AGBL4: variants seen among roughly 807,000 people sequenced by gnomAD.
AGBL4 encodes AGBL carboxypeptidase 4, also known as cytosolic carboxypeptidase 6.
Under a neutral mutation model 66.4 loss-of-function variants are expected in AGBL4, and 58 were observed. The ratio of observed to expected loss-of-function variants is 0.87; its 90% CI spans 0.71 to 1.09. The LOEUF (loss-of-function observed/expected upper bound fraction) is 1.09, where lower values mean the gene tolerates loss of function less well. AGBL4 is among the 50% of genes least tolerant of loss of function. AGBL4 has a pLI of 0.00. For synonymous variants in AGBL4, 234 were observed against 222.9 expected, an observed-to-expected ratio of 1.05 and a Z score of -0.44; for missense variants, 579 against 631.0, an observed-to-expected ratio of 0.92 and a Z score of 0.88.
At chr1:49,083,071 G>C (rs1644836228) in intron 4 of AGBL4, among the ~76,000 whole-genome samples, 1 of 152,196 alleles carries the variant, frequency 6.6e-6, no homozygotes, top group Non-Finnish European at 1.5e-5. Context: ...ATGGTCTTGG[G>C]CAGCTCTGCC....
chr1:49,568,054 C>T (rs1644248566), intron 3 of AGBL4, among the ~76,000 whole-genome samples: 1 of 152,094 alleles, frequency 6.6e-6, no homozygotes, highest in African/African-American at 2.4e-5. Context: ...AAAACCAGCA[C>T]AAAACAAAGA....
At chr1:48,985,103 A>C (rs558102577) in intron 5 of AGBL4, among the ~76,000 whole-genome samples, 73 of 152,246 alleles carry the variant, frequency 4.8e-4, no homozygotes, top group African/African-American at 1.4e-3. Context: ...ATACATGGAA[A>C]AATGGTTTAC....
intron 3 of AGBL4, among the ~76,000 whole-genome samples, chr1:49,519,314 T>C (rs1035093386): frequency 6.6e-6 from 1 of 152,002 alleles, no homozygotes; most frequent in Non-Finnish European, 1.5e-5. Context: ...GAGAAATAAG[T>C]GAGATAGAAC....
chr1:49,966,932 C>T (rs1657612884), intron 1 of AGBL4, among the ~76,000 whole-genome samples: 3 of 152,086 alleles, frequency 2.0e-5, no homozygotes, highest in Non-Finnish European at 2.9e-5. Flanking sequence ...GGTTCCAAGT[C>T]TTTGCTATTG....
chr1:49,634,459 A>G (rs2124374184), intron 3 of AGBL4, among the ~76,000 whole-genome samples: 1 of 152,260 alleles, frequency 6.6e-6, no homozygotes, highest in East Asian at 1.9e-4. Context: ...TATCCAGTCT[A>G]TCATGGATGG....
At chr1:49,359,166 T>C (rs888710350) in intron 3 of AGBL4, among the ~76,000 whole-genome samples, 2 of 152,198 alleles carry the variant, frequency 1.3e-5, no homozygotes, top group African/African-American at 4.8e-5. Context: ...TTAAATTATA[T>C]TGAATTACAC....
intron 3 of AGBL4, among the ~76,000 whole-genome samples, chr1:49,516,296 G>A (rs1177404945): frequency 1.3e-5 from 2 of 151,998 alleles, no homozygotes; most frequent in African/African-American, 4.8e-5. Flanking sequence ...AAGGTGCCAT[G>A]AGATCACATA....
chr1:48,968,404 T>G (rs1198107789), intron 5 of AGBL4, among the ~76,000 whole-genome samples: 1 of 152,120 alleles, frequency 6.6e-6, no homozygotes, highest in African/African-American at 2.4e-5. Flanking sequence ...GCAATCTGGT[T>G]TCTGTGTGGG....
chr1:49,151,656 G>A (rs1646337709), intron 4 of AGBL4, among the ~76,000 whole-genome samples: 1 of 151,578 alleles, frequency 6.6e-6, no homozygotes, highest in South Asian at 2.1e-4. Flanking sequence ...AAGATATTCT[G>A]GCGAAAAAAG....
intron 9 of AGBL4, among the ~76,000 whole-genome samples, chr1:48,607,752 A>G (rs1248079992): frequency 6.6e-6 from 1 of 152,220 alleles, no homozygotes; most frequent in Non-Finnish European, 1.5e-5. Context: ...CTACTTTTAT[A>G]CACACAAACT....
chr1:49,710,294 A>G (rs1647549805), intron 2 of AGBL4, among the ~76,000 whole-genome samples: 2 of 152,332 alleles, frequency 1.3e-5, no homozygotes, highest in African/African-American at 4.8e-5. Flanking sequence ...TTGAAGGGAC[A>G]TGTATGAAGC....
chr1:49,793,589 G>A (rs1203918518), intron 2 of AGBL4, among the ~76,000 whole-genome samples: 1 of 151,908 alleles, frequency 6.6e-6, no homozygotes, highest in Non-Finnish European at 1.5e-5. Context: ...TAAATAGTAG[G>A]TCTCAACATA....
At chr1:48,634,750 G>C (rs1464368865) in intron 8 of AGBL4, 146 bp from the exon 9 acceptor site, 2 of 557,032 alleles carry the variant, frequency 3.6e-6, no homozygotes, top group Non-Finnish European at 6.2e-6. Flanking sequence ...TACTTTATAT[G>C]AGTTAATTCT....
chr1:49,950,792 T>C (rs1039107758), intron 1 of AGBL4, among the ~76,000 whole-genome samples: 3 of 151,746 alleles, frequency 2.0e-5, no homozygotes, highest in Admixed American at 1.3e-4. Context: ...CCCAAGTTCA[T>C]TGCAGCATTA....
chr1:49,571,757 T>C (rs1644335994), intron 3 of AGBL4, among the ~76,000 whole-genome samples: 1 of 152,128 alleles, frequency 6.6e-6, no homozygotes, highest in Non-Finnish European at 1.5e-5. Context: ...TTCTGTGTCA[T>C]TTGTTGAGGG....
intron 3 of AGBL4, among the ~76,000 whole-genome samples, chr1:49,311,524 C>A (rs1326213378): frequency 6.6e-6 from 1 of 151,782 alleles, no homozygotes; most frequent in East Asian, 1.9e-4. Context: ...CTAATAGCAA[C>A]AAAAATAAAA....
At chr1:48,999,764 T>C (rs1158843816) in intron 5 of AGBL4, among the ~76,000 whole-genome samples, 1 of 152,106 alleles carries the variant, frequency 6.6e-6, no homozygotes, top group Non-Finnish European at 1.5e-5. Context: ...TGATTAAGAC[T>C]GTCTATGCTT....
chr1:49,046,865 A>G (rs899693293), intron 4 of AGBL4, among the ~76,000 whole-genome samples: 4 of 152,188 alleles, frequency 2.6e-5, no homozygotes, highest in Non-Finnish European at 4.4e-5. Flanking sequence ...GAGTGCAGAT[A>G]CAGTGGATGA....
At chr1:48,546,989 G>A (rs1644174326) in intron 11 of AGBL4, among the ~76,000 whole-genome samples, 1 of 152,042 alleles carries the variant, frequency 6.6e-6, no homozygotes, top group African/African-American at 2.4e-5. Context: ...TCTCTGAGGA[G>A]GGGATATGAA....
Sources: gnomAD v4.1 joint callset for allele counts (sites outside exome capture counted in the v4.1 genomes callset) on GRCh38, gnomAD v4.1.1 for gene constraint, MANE v1.5 for transcripts, NCBI Gene and HGNC (gene_info 2026-07-23, HGNC 2026-07-21) for gene names.